The following SOX5 variants were observed in gnomAD, a reference collection of about 807,000 sequenced individuals.
SOX5 encodes transcription factor SOX-5.
SOX5 carries 9 observed loss-of-function variants against 92.0 expected under a neutral mutation model. That is an observed-to-expected ratio of 0.10 (90% CI 0.06 to 0.17). The LOEUF (loss-of-function observed/expected upper bound fraction) is 0.17, where lower values mean the gene tolerates loss of function less well. Among genes scored for constraint, SOX5 ranks in the 10% least tolerant of loss-of-function variants. The pLI, the probability that SOX5 is intolerant of heterozygous loss-of-function variation, is 1.00. For missense variants in SOX5, 642 were observed against 944.5 expected, an observed-to-expected ratio of 0.68 and a Z score of 4.20; for synonymous variants, 344 against 336.3, an observed-to-expected ratio of 1.02 and a Z score of -0.25.
intron 4 of SOX5, among the ~76,000 whole-genome samples, chr12:24,170,886 T>C (rs1954006866): frequency 6.6e-6 from 1 of 152,178 alleles, no homozygotes; most frequent in Non-Finnish European, 1.5e-5. Context: ...ACAACATCGT[T>C]ATAAATTCAT....
intron 2 of SOX5, among the ~76,000 whole-genome samples, chr12:23,858,065 CT>C (rs1440597509): frequency 7.0e-5 from 7 of 100,310 alleles, no homozygotes; most frequent in Admixed American, 1.0e-4. Context: ...TTTAATATGC[CT>C]GTATGTGTGT....
At chr12:23,619,123 C>G (rs1051064261) in intron 8 of SOX5, among the ~76,000 whole-genome samples, 1 of 152,122 alleles carries the variant, frequency 6.6e-6, no homozygotes, top group Admixed American at 6.6e-5. Context: ...CTGCTTCCTA[C>G]GGATTCCGCT....
At chr12:23,592,121 A>G (rs550513903) in intron 9 of SOX5, among the ~76,000 whole-genome samples, 1 of 152,314 alleles carries the variant, frequency 6.6e-6, no homozygotes, top group Non-Finnish European at 1.5e-5. Context: ...AAGCACTACA[A>G]CAGAGCTTTA....
intron 1 of SOX5, among the ~76,000 whole-genome samples, chr12:24,513,321 G>A (rs1949493107): frequency 6.6e-6 from 1 of 152,208 alleles, no homozygotes; most frequent in Admixed American, 6.5e-5. Context: ...GTAAGTCGAG[G>A]AGCAACTGGT....
Position 23,916,221 on chromosome 12 carries a change from C to T in SOX5, c.39-20197G>A, listed in dbSNP as rs561348839. Among the ~76,000 whole-genome samples, 3 of 152,148 alleles carry T rather than the reference C, an allele frequency of 2.0e-5. No individual in the cohort carries two copies. In the South Asian group the frequency reaches 6.2e-4, roughly 32 times the overall value. ...TTGGCCATCAGCATTCCCAAAATGA[C>T]CATGTTGTTCATCTAGAAATATTTT... On this transcript the variant is annotated intron_variant, in intron 1 of 14. Transcript: ENST00000451604.
intron 1 of SOX5, among the ~76,000 whole-genome samples, chr12:23,937,747 A>T (rs1381710497): frequency 6.6e-6 from 1 of 150,918 alleles, no homozygotes; most frequent in Non-Finnish European, 1.5e-5. Context: ...GACATAGAAG[A>T]GATTATGGAG....
intron 1 of SOX5, among the ~76,000 whole-genome samples, chr12:24,399,392 G>C (rs1960933473): frequency 6.6e-6 from 1 of 152,090 alleles, no homozygotes; most frequent in Non-Finnish European, 1.5e-5. Context: ...TGATTATAAA[G>C]ATATACTAAA....
intron 1 of SOX5, among the ~76,000 whole-genome samples, chr12:24,404,787 C>T (rs567977927): frequency 5.3e-5 from 8 of 152,218 alleles, no homozygotes; most frequent in African/African-American, 1.4e-4. Context: ...CCCCTTCCCC[C>T]CAAATTCATA....
At chr12:23,651,400 A>C (rs1393187901) in intron 7 of SOX5, among the ~76,000 whole-genome samples, 2 of 152,074 alleles carry the variant, frequency 1.3e-5, no homozygotes, top group African/African-American at 4.8e-5. Context: ...ATTGCAGAAC[A>C]CACAGACTAC....
chr12:24,012,509 A>G (rs1953060514), intron 4 of SOX5, among the ~76,000 whole-genome samples: 1 of 152,182 alleles, frequency 6.6e-6, no homozygotes, highest in Non-Finnish European at 1.5e-5. Flanking sequence ...ATAATTTTAA[A>G]GTGAAGGAAA....
At chr12:24,084,011 G>T (rs1294927956) in intron 4 of SOX5, among the ~76,000 whole-genome samples, 1 of 151,900 alleles carries the variant, frequency 6.6e-6, no homozygotes, top group Non-Finnish European at 1.5e-5. Flanking sequence ...ATGAGAGTCT[G>T]GTGTTTCTGC....
chr12:24,554,450 T>C (rs1953553935), intron 1 of SOX5, among the ~76,000 whole-genome samples: 1 of 152,028 alleles, frequency 6.6e-6, no homozygotes, highest in Non-Finnish European at 1.5e-5. Context: ...CAGGAAAAAA[T>C]TATGCCAAAA....
chr12:23,717,291 CA>C (rs2092561528), intron 6 of SOX5, among the ~76,000 whole-genome samples: 1 of 152,074 alleles, frequency 6.6e-6, no homozygotes, highest in African/African-American at 2.4e-5. Context: ...TTTAAAAGGC[CA>C]AAAATATTCC....
chr12:23,776,368 T>C (rs2095099434), intron 3 of SOX5, among the ~76,000 whole-genome samples: 1 of 152,160 alleles, frequency 6.6e-6, no homozygotes, highest in African/African-American at 2.4e-5. Flanking sequence ...CAAGTAACAG[T>C]CTTCAAACTT....
At chr12:24,517,435 G>T (rs981596062) in intron 1 of SOX5, among the ~76,000 whole-genome samples, 1 of 152,122 alleles carries the variant, frequency 6.6e-6, no homozygotes, top group Non-Finnish European at 1.5e-5. Flanking sequence ...CAAGAAAGGG[G>T]TCATGGGGGC....
chr12:24,225,489 T>A lies in SOX5; in HGVS notation c.-76-12072A>T, dbSNP rs977120278. 7.2e-5 allele frequency among the ~76,000 whole-genome samples: 11 copies of A among 152,214 alleles called. No individual in the cohort carries two copies. In the South Asian group the frequency reaches 1.9e-3, roughly 26 times the overall value. On this transcript the variant is annotated intron_variant, in intron 3 of 4. Coordinates refer to the SOX5 transcript ENST00000446891. ...TAACAATTATCAGAGGTTTTTTTTT[T>A]TTTTCCCCACTTAGAGTTACATTTC... is the stretch of plus-strand genomic sequence containing the variant.
chr12:23,834,048 A>C lies in SOX5; in HGVS notation c.481+11935T>G, dbSNP rs557956599. Reference sequence around the variant, plus strand: ...GAAGACAGAATGTAAATAAACAATAATAATGTGGTAAGAACTATAGAGATG... The same window carrying C: ...GAAGACAGAATGTAAATAAACAATACTAATGTGGTAAGAACTATAGAGATG... On this transcript the variant is annotated intron_variant, in intron 3 of 14. Transcript: ENST00000451604. Among the ~76,000 whole-genome samples the C allele has an allele frequency of 3.3e-5, 5 of 152,090 alleles. No homozygotes were observed. In the South Asian group the frequency reaches 1.0e-3, roughly 32 times the overall value.
chr12:24,559,582 C>T (rs1954137106), intron 1 of SOX5, among the ~76,000 whole-genome samples: 1 of 151,550 alleles, frequency 6.6e-6, no homozygotes, highest in South Asian at 2.1e-4. Flanking sequence ...TTTAAACTTG[C>T]TTTGTAAGTA....
chr12:23,887,301 A>C (rs1031068064), intron 2 of SOX5, among the ~76,000 whole-genome samples: 2 of 152,210 alleles, frequency 1.3e-5, no homozygotes, highest in African/African-American at 2.4e-5. Flanking sequence ...ATCCACAAGA[A>C]GATCCATTAA....
Sources: gnomAD v4.1 joint callset for allele counts (sites outside exome capture counted in the v4.1 genomes callset) on GRCh38, gnomAD v4.1.1 for gene constraint, MANE v1.5 for transcripts, NCBI Gene and HGNC (gene_info 2026-07-23, HGNC 2026-07-21) for gene names.